The following CCDC171 variants were observed in gnomAD, a reference collection of about 807,000 sequenced individuals.
The protein encoded by CCDC171 is coiled-coil domain containing 171, also known as coiled-coil domain-containing protein 171.
Under a neutral mutation model 168.2 loss-of-function variants are expected in CCDC171, and 177 were observed. The ratio of observed to expected loss-of-function variants is 1.05; its 90% confidence interval spans 0.93 to 1.19. The LOEUF (loss-of-function observed/expected upper bound fraction) is 1.19. CCDC171 is among the 50% of genes most tolerant of loss of function. The pLI is 0.00. For synonymous variants in CCDC171, 687 were observed against 540.8 expected, an observed-to-expected ratio of 1.27 and a Z score of -3.75; for missense variants, 1,991 against 1,539.0, an observed-to-expected ratio of 1.29 and a Z score of -4.91.
intron 4 of CCDC171, among the ~76,000 whole-genome samples, chr9:15,589,993 ATTTACCGTTATGGAAAG>A (rs2041864430): frequency 6.6e-6 from 1 of 152,216 alleles, no homozygotes; most frequent in African/African-American, 2.4e-5. Context: ...TCTATTGAAT[ATTTACCGTTATGGAAAG>A]AAGTAGACCT....
chr9:15,776,639 A>G (rs1330028590), intron 18 of CCDC171, among the ~76,000 whole-genome samples: 2 of 152,192 alleles, frequency 1.3e-5, no homozygotes, highest in Non-Finnish European at 2.9e-5. Context: ...ATTTTATAAC[A>G]GTGTCTCCAT....
chr9:16,013,653 C>T (rs1253127675), intron 3 of CCDC171, among the ~76,000 whole-genome samples: 2 of 152,132 alleles, frequency 1.3e-5, no homozygotes, highest in Non-Finnish European at 2.9e-5. Context: ...AGGTATGCCT[C>T]GGAGATATTG....
At chr9:15,779,171 A>C (rs774204782) in intron 20 of CCDC171, 21 bp downstream of exon 20, 1 of 1,387,180 alleles carries the variant, frequency 7.2e-7, no homozygotes, top group Non-Finnish European at 9.6e-7. Context: ...ATCATTTAGG[A>C]AACTGTTGCT....
chr9:15,956,275 G>C (rs1049331947), intron 25 of CCDC171, among the ~76,000 whole-genome samples: 2 of 152,160 alleles, frequency 1.3e-5, no homozygotes, highest in African/African-American at 2.4e-5. Flanking sequence ...GAAATAGTGG[G>C]AAATATCTGC....
chr9:16,081,806 G>T, the CCDC171 span, among the ~76,000 whole-genome samples: 1 of 151,842 alleles, frequency 6.6e-6, no homozygotes, highest in Non-Finnish European at 1.5e-5. Context: ...TTCAATGTTG[G>T]CTGTATTTGT....
At chr9:15,920,761 A>C (rs951339194) in intron 25 of CCDC171, among the ~76,000 whole-genome samples, 1 of 151,748 alleles carries the variant, frequency 6.6e-6, no homozygotes, top group African/African-American at 2.4e-5. Context: ...CCATTAAGAC[A>C]GAATATTATT....
At chr9:15,812,750 A>G (rs1413775509) in intron 21 of CCDC171, among the ~76,000 whole-genome samples, 2 of 152,184 alleles carry the variant, frequency 1.3e-5, no homozygotes, top group African/African-American at 4.8e-5. Flanking sequence ...TTTGCCCAAC[A>G]AGATTTCATT....
At chr9:15,835,500 T>C (rs1392166673) in intron 21 of CCDC171, among the ~76,000 whole-genome samples, 1 of 152,216 alleles carries the variant, frequency 6.6e-6, no homozygotes. Context: ...TGATCTCGGC[T>C]CACTGCAACC....
At chr9:15,779,236 G>A in intron 20 of CCDC171, 86 bp downstream of exon 20, 1 of 766,706 alleles carries the variant, frequency 1.3e-6, no homozygotes, top group Non-Finnish European at 1.8e-6. Flanking sequence ...CTTTTGTTAT[G>A]TGTGGTTTTT....
chr9:15,852,520 T>C (rs189858913), intron 23 of CCDC171, among the ~76,000 whole-genome samples: 1 of 151,886 alleles, frequency 6.6e-6, no homozygotes, highest in East Asian at 1.9e-4. Flanking sequence ...TTTTCTCCCA[T>C]CCTGTAGGTT....
At chr9:15,759,858 A>T (rs1173061812) in intron 18 of CCDC171, among the ~76,000 whole-genome samples, 1 of 152,184 alleles carries the variant, frequency 6.6e-6, no homozygotes, top group Non-Finnish European at 1.5e-5. Flanking sequence ...TTATTTGTAT[A>T]TTCCATAATT....
chr9:15,888,368 A>G (rs547850056), intron 24 of CCDC171, among the ~76,000 whole-genome samples: 155 of 152,312 alleles, frequency 1.0e-3, no homozygotes, highest in African/African-American at 3.5e-3. Flanking sequence ...TTAGTGTTTC[A>G]TTCCAGTTAA....
At chr9:15,951,136 G>T (rs4333709) in intron 25 of CCDC171, among the ~76,000 whole-genome samples, 1 of 149,274 alleles carries the variant, frequency 6.7e-6, no homozygotes, top group East Asian at 2.0e-4. Flanking sequence ...AGTCCTGAGC[G>T]ACCTACAAAG....
chr9:15,619,995 T>C lies in CCDC171; in HGVS notation c.676-3272T>C, dbSNP rs1355390476. ...CTCATCTCTTTACAGAATATTTAAC[T>C]GAATATTTAAGCCCACGGTACCTGC... On this transcript the variant is annotated intron_variant, in intron 6 of 25. Transcript: ENST00000380701. Among the ~76,000 whole-genome samples the C allele has an allele frequency of 3.9e-5, 6 of 152,192 alleles. No homozygotes were observed. The South Asian group carries it at 1.2e-3, about 32-fold the overall frequency.
chr9:15,568,503 C>G (rs1323246893), intron 2 of CCDC171, among the ~76,000 whole-genome samples: 1 of 152,182 alleles, frequency 6.6e-6, no homozygotes, highest in African/African-American at 2.4e-5. Flanking sequence ...ATCTCCTGAC[C>G]TCGTGATCCA....
chr9:15,620,557 A>G (rs555962739), intron 6 of CCDC171, among the ~76,000 whole-genome samples: 7 of 152,358 alleles, frequency 4.6e-5, no homozygotes, highest in African/African-American at 1.7e-4. Flanking sequence ...CTTCTTATAG[A>G]TGACCAAAGA....
At chr9:15,900,823 G>C (rs1821530143) in intron 24 of CCDC171, among the ~76,000 whole-genome samples, 2 of 152,072 alleles carry the variant, frequency 1.3e-5, no homozygotes, top group Non-Finnish European at 2.9e-5. Context: ...CCTGATTCTA[G>C]GGTCCTTACT....
intron 16 of CCDC171, among the ~76,000 whole-genome samples, chr9:15,741,450 T>C (rs2054875380): frequency 6.6e-6 from 1 of 152,236 alleles, no homozygotes; most frequent in Non-Finnish European, 1.5e-5. Context: ...TTGTACCATG[T>C]ATTAGTACTT....
intron 6 of CCDC171, among the ~76,000 whole-genome samples, chr9:15,599,029 A>T (rs9696751): frequency 0.48 from 72,253 of 151,760 alleles, 17,598 homozygotes; most frequent in East Asian, 0.75. Flanking sequence ...CTTTATTTTG[A>T]GCCTATGTGT....
Sources: gnomAD v4.1 joint callset for allele counts (sites outside exome capture counted in the v4.1 genomes callset) on GRCh38, gnomAD v4.1.1 for gene constraint, MANE v1.5 for transcripts, NCBI Gene and HGNC (gene_info 2026-07-23, HGNC 2026-07-21) for gene names.